NCAM2: variants seen among roughly 807,000 people sequenced by gnomAD.
NCAM2 encodes the protein N-CAM-2.
Under a neutral mutation model 98.1 loss-of-function variants are expected in NCAM2, and 30 were observed. That is an observed-to-expected ratio of 0.31 (90% CI 0.23 to 0.41). The LOEUF (loss-of-function observed/expected upper bound fraction) is 0.41, where lower values mean the gene tolerates loss of function less well. Among genes scored for constraint, NCAM2 ranks in the 10% least tolerant of loss-of-function variants. NCAM2 has a pLI of 1.00. For missense variants in NCAM2, 867 were observed against 1,005.8 expected (o/e 0.86, Z 1.87); for synonymous variants, 368 against 342.4 (o/e 1.07, Z -0.83).
intron 5 of NCAM2, among the ~76,000 whole-genome samples, chr21:21,298,339 G>A (rs2073568438): frequency 1.3e-5 from 2 of 150,784 alleles, no homozygotes; most frequent in African/African-American, 4.9e-5. Flanking sequence ...CAAATTATGA[G>A]GGAATTTGTA....
chr21:21,537,514 T>C (rs1404900007), intron 17 of NCAM2, among the ~76,000 whole-genome samples: 3 of 152,184 alleles, frequency 2.0e-5, no homozygotes. Flanking sequence ...TTACCAAATC[T>C]AAGCCACCCT....
chr21:21,012,202 C>T (rs2064224753), intron 1 of NCAM2, among the ~76,000 whole-genome samples: 1 of 152,068 alleles, frequency 6.6e-6, no homozygotes, highest in Non-Finnish European at 1.5e-5. Context: ...GCATGGAGAA[C>T]TAGCAGGATT....
At chr21:21,159,670 AC>A (rs1421492067) in intron 1 of NCAM2, among the ~76,000 whole-genome samples, 4 of 151,940 alleles carry the variant, frequency 2.6e-5, no homozygotes, top group Non-Finnish European at 4.4e-5. Context: ...GTGTAAGTCC[AC>A]TCTGACGTTC....
At chr21:21,021,643 A>C (rs2064439365) in intron 1 of NCAM2, among the ~76,000 whole-genome samples, 1 of 152,186 alleles carries the variant, frequency 6.6e-6, no homozygotes, top group Non-Finnish European at 1.5e-5. Flanking sequence ...ATCTTTCACA[A>C]GCTGGTATTT....
intron 1 of NCAM2, among the ~76,000 whole-genome samples, chr21:21,173,120 T>C (rs929893669): frequency 6.6e-6 from 1 of 152,128 alleles, no homozygotes; most frequent in Admixed American, 6.5e-5. Flanking sequence ...GGTATTCAAA[T>C]GTTGTAGAAA....
intron 1 of NCAM2, among the ~76,000 whole-genome samples, chr21:21,114,192 T>C (rs1182323534): frequency 6.6e-6 from 1 of 152,208 alleles, no homozygotes; most frequent in African/African-American, 2.4e-5. Flanking sequence ...AATATCCTGA[T>C]ATATCACACA....
intron 1 of NCAM2, among the ~76,000 whole-genome samples, chr21:21,201,198 G>A (rs2069207080): frequency 1.3e-5 from 2 of 152,134 alleles, no homozygotes; most frequent in African/African-American, 2.4e-5. Flanking sequence ...TTGATTATTA[G>A]GAAATATGAG....
At position 21,144,645 on chromosome 21, in the gene NCAM2, A is replaced by G. The variant is rs537577031; in HGVS notation, c.56-135933A>G. Among the ~76,000 whole-genome samples the G allele has an allele frequency of 1.1e-4, 17 of 151,952 alleles. No homozygotes were observed. The South Asian group carries it at 3.5e-3, about 32-fold the overall frequency. The stretch of plus-strand genomic sequence containing the variant: ...AAGTTAATATTTCCATTCTTTTGAC[A>G]TCTTTGAATTCCCCTTGAAATACAA... On this transcript the variant is annotated intron_variant, in intron 1 of 17. Coordinates refer to ENST00000400546, the MANE Select transcript of NCAM2 (RefSeq NM_004540.5).
chr21:21,506,843 A>G (rs534603849), intron 15 of NCAM2, among the ~76,000 whole-genome samples: 1 of 152,266 alleles, frequency 6.6e-6, no homozygotes, highest in East Asian at 1.9e-4. Flanking sequence ...GTTTATCACT[A>G]GTTTTTCTTC....
intron 5 of NCAM2, among the ~76,000 whole-genome samples, chr21:21,320,395 T>G (rs1276384604): frequency 6.6e-6 from 1 of 152,200 alleles, no homozygotes; most frequent in Non-Finnish European, 1.5e-5. Flanking sequence ...ATACTTTGCA[T>G]TTTTAAATTT....
chr21:21,329,776 C>T (rs1388058217), intron 6 of NCAM2, among the ~76,000 whole-genome samples: 1 of 151,980 alleles, frequency 6.6e-6, no homozygotes, highest in East Asian at 1.9e-4. Context: ...GCCAGTGAAA[C>T]CATCCATGTC....
chr21:21,472,154 A>G (rs73216063), intron 14 of NCAM2, among the ~76,000 whole-genome samples: 5,056 of 152,082 alleles, frequency 0.033, 149 homozygotes, highest in South Asian at 0.14. Flanking sequence ...CTATGGGATC[A>G]TAACTATCAC....
chr21:21,244,926 C>T (rs538594439), intron 1 of NCAM2, among the ~76,000 whole-genome samples: 1 of 150,842 alleles, frequency 6.6e-6, no homozygotes, highest in East Asian at 2.0e-4. Context: ...TATCTGTTTT[C>T]CCAACTGCTT....
chr21:21,284,442 T>C, intron 3 of NCAM2, 42 bp downstream of exon 3: 1 of 1,472,424 alleles, frequency 6.8e-7, no homozygotes, highest in Non-Finnish European at 9.4e-7. Flanking sequence ...TCAATTTCAG[T>C]TGCTTATAAA....
chr21:21,100,763 C>A (rs2066225398), intron 1 of NCAM2, among the ~76,000 whole-genome samples: 1 of 151,988 alleles, frequency 6.6e-6, no homozygotes, highest in Admixed American at 6.6e-5. Flanking sequence ...ATGACTTCTC[C>A]CAGTAATTTT....
intron 1 of NCAM2, among the ~76,000 whole-genome samples, chr21:21,122,365 A>C (rs2066693465): frequency 6.6e-6 from 1 of 152,194 alleles, no homozygotes; most frequent in African/African-American, 2.4e-5. Context: ...TTTATGAAAC[A>C]ATCTAGAGCC....
At chr21:21,165,180 G>A (rs1273431910) in intron 1 of NCAM2, among the ~76,000 whole-genome samples, 1 of 152,154 alleles carries the variant, frequency 6.6e-6, no homozygotes, top group Non-Finnish European at 1.5e-5. Flanking sequence ...ATAGAAGCCA[G>A]ACATACATTT....
At chr21:21,215,605 G>C (rs754284197) in intron 1 of NCAM2, among the ~76,000 whole-genome samples, 5 of 152,102 alleles carry the variant, frequency 3.3e-5, no homozygotes, top group Non-Finnish European at 7.4e-5. Context: ...GTGCAAGCCT[G>C]TCATCCCAGC....
chr21:21,405,857 T>C (rs1038958657), intron 9 of NCAM2, among the ~76,000 whole-genome samples: 9 of 152,196 alleles, frequency 5.9e-5, no homozygotes, highest in Admixed American at 3.9e-4. Flanking sequence ...GAATCTTCTT[T>C]GACTTTCTGA....
Sources: allele counts gnomAD v4.1 joint callset (sites outside exome capture counted in the v4.1 genomes callset), GRCh38; gene constraint gnomAD v4.1.1; transcripts MANE v1.5; gene names NCBI Gene and HGNC (gene_info 2026-07-23, HGNC 2026-07-21).